The following TAFA2 variants were observed in gnomAD, a reference collection of about 807,000 sequenced individuals.
TAFA2 encodes chemokine-like protein TAFA-2.
A neutral mutation model predicts 18.8 loss-of-function variants in TAFA2; 7 were observed. The observed-to-expected ratio is 0.37, with a 90% CI of 0.21 to 0.70. The LOEUF is 0.70. Ranked by LOEUF, TAFA2 falls within the 30% of genes least tolerant of loss-of-function variation. TAFA2 has a pLI of 0.53. For missense variants in TAFA2, 122 were observed against 158.1 expected (o/e 0.77, Z 1.23); for synonymous variants, 60 against 54.2 (o/e 1.11, Z -0.47).
intron 4 of TAFA2, among the ~76,000 whole-genome samples, chr12:61,752,355 G>A (rs895632634): frequency 2.0e-5 from 3 of 152,022 alleles, no homozygotes; most frequent in South Asian, 2.1e-4. Context: ...ATCTCAAAAC[G>A]TTAATGAATT....
intron 1 of TAFA2, among the ~76,000 whole-genome samples, chr12:62,170,027 A>G (rs2062466465): frequency 6.6e-6 from 1 of 152,138 alleles, no homozygotes; most frequent in African/African-American, 2.4e-5. Context: ...TAAGATTCTA[A>G]GATAATTTAT....
chr12:62,054,836 A>T (rs1450334482), intron 1 of TAFA2, among the ~76,000 whole-genome samples: 1 of 152,242 alleles, frequency 6.6e-6, no homozygotes, highest in East Asian at 1.9e-4. Context: ...ACAGTGTCAC[A>T]ATTTCAAGTA....
chr12:61,771,522 T>C (rs1870022274), intron 2 of TAFA2, among the ~76,000 whole-genome samples: 1 of 151,824 alleles, frequency 6.6e-6, no homozygotes, highest in Non-Finnish European at 1.5e-5. Flanking sequence ...TGAAATTATA[T>C]CAAGTACTCT....
chr12:61,963,125 T>C (rs575548181), intron 1 of TAFA2, among the ~76,000 whole-genome samples: 3 of 152,170 alleles, frequency 2.0e-5, no homozygotes, highest in African/African-American at 4.8e-5. Flanking sequence ...CAGTCTATCA[T>C]TGATGGTCAT....
intron 1 of TAFA2, among the ~76,000 whole-genome samples, chr12:61,977,298 T>C (rs1324826755): frequency 1.3e-5 from 2 of 152,036 alleles, no homozygotes; most frequent in African/African-American, 4.8e-5. Context: ...ATCTCCAAAT[T>C]TTAAAATGGT....
At chr12:61,861,815 A>AT in intron 2 of TAFA2, among the ~76,000 whole-genome samples, 1 of 152,304 alleles carries the variant, frequency 6.6e-6, no homozygotes, top group Non-Finnish European at 1.5e-5. Context: ...CAATTATCAC[A>AT]TATCAATTAA....
chr12:62,161,957 A>G (rs1477898417), intron 1 of TAFA2, among the ~76,000 whole-genome samples: 1 of 152,208 alleles, frequency 6.6e-6, no homozygotes, highest in Non-Finnish European at 1.5e-5. Flanking sequence ...AATTGATTTC[A>G]TTATACATCA....
chr12:61,809,356 AAAAT>A (rs1398430709), intron 2 of TAFA2, among the ~76,000 whole-genome samples: 7 of 151,670 alleles, frequency 4.6e-5, no homozygotes, highest in East Asian at 3.9e-4. Flanking sequence ...TTTAATTGGG[AAAAT>A]AAATAAACTG....
intron 2 of TAFA2, chr12:61,775,885 C>G (rs1870238231): frequency 6.1e-6 from 1 of 164,356 alleles, no homozygotes; most frequent in Non-Finnish European, 1.3e-5. Flanking sequence ...TGAAGTCTCC[C>G]TTTGGCAGGA....
At chr12:62,140,085 T>A (rs1483337497) in intron 1 of TAFA2, 1 of 152,150 alleles carries the variant, frequency 6.6e-6, no homozygotes, top group Non-Finnish European at 1.5e-5. Flanking sequence ...CAGAGCATGA[T>A]GTGTTCTTGG....
At chr12:61,975,068 T>C (rs1378195067) in intron 1 of TAFA2, among the ~76,000 whole-genome samples, 1 of 151,768 alleles carries the variant, frequency 6.6e-6, no homozygotes, top group Non-Finnish European at 1.5e-5. Flanking sequence ...AAAGTGATGT[T>C]TTCATACACA....
At chr12:62,221,008 G>A (rs1441093767) in intron 1 of TAFA2, among the ~76,000 whole-genome samples, 1 of 152,004 alleles carries the variant, frequency 6.6e-6, no homozygotes, top group Non-Finnish European at 1.5e-5. Flanking sequence ...GGAGGCTGAG[G>A]CAGGAGAATG....
At chr12:62,038,629 G>A (rs969679544) in intron 1 of TAFA2, among the ~76,000 whole-genome samples, 7 of 151,972 alleles carry the variant, frequency 4.6e-5, no homozygotes, top group African/African-American at 1.7e-4. Flanking sequence ...GTGCCCCACA[G>A]ATACCAAGAG....
At chr12:61,794,783 TG>T (rs1394618086) in intron 2 of TAFA2, among the ~76,000 whole-genome samples, 1 of 151,716 alleles carries the variant, frequency 6.6e-6, no homozygotes. Context: ...ACCATCAGAG[TG>T]AACAGGCAAC....
chr12:62,070,584 T>C (rs1210831972), intron 1 of TAFA2: 2 of 152,178 alleles, frequency 1.3e-5, no homozygotes, highest in Non-Finnish European at 1.5e-5. Context: ...GAAAAATCAA[T>C]TGTAATTATC....
At chr12:61,743,223 A>C (rs1465271796) in intron 4 of TAFA2, among the ~76,000 whole-genome samples, 1 of 151,800 alleles carries the variant, frequency 6.6e-6, no homozygotes, top group East Asian at 1.9e-4. Context: ...TTTTGTTTTG[A>C]TAGCTTGATG....
At chr12:62,225,095 T>C (rs1565783200) in intron 1 of TAFA2, among the ~76,000 whole-genome samples, 2 of 151,452 alleles carry the variant, frequency 1.3e-5, no homozygotes, top group African/African-American at 4.9e-5. Context: ...CTCCGTCTCA[T>C]AAAAAAATTT....
At chr12:61,827,203 A>T (rs1872563655) in intron 2 of TAFA2, 1 of 152,010 alleles carries the variant, frequency 6.6e-6, no homozygotes, top group Non-Finnish European at 1.5e-5. Flanking sequence ...AGATGAGGAG[A>T]TCACACTAAG....
At chr12:61,860,088 A>G (rs1447441150) in intron 2 of TAFA2, among the ~76,000 whole-genome samples, 1 of 152,230 alleles carries the variant, frequency 6.6e-6, no homozygotes, top group Non-Finnish European at 1.5e-5. Flanking sequence ...AAATGTATGA[A>G]TACATAAAAT....
Sources: allele counts gnomAD v4.1 joint callset (sites outside exome capture counted in the v4.1 genomes callset), GRCh38; gene constraint gnomAD v4.1.1; transcripts MANE v1.5; gene names NCBI Gene and HGNC (gene_info 2026-07-23, HGNC 2026-07-21).